MAP3K2: variants seen among roughly 807,000 people sequenced by gnomAD.
The protein encoded by MAP3K2 is MAP/ERK kinase kinase 2.
In MAP3K2, 24 loss-of-function variants were observed where a neutral mutation model predicts 80.3. That is an observed-to-expected ratio of 0.30 (90% confidence interval 0.22 to 0.42). MAP3K2 has a LOEUF of 0.42. MAP3K2 is among the 10% of genes least tolerant of loss of function. MAP3K2 has a pLI of 1.00. For missense variants in MAP3K2, 608 were observed against 750.1 expected (o/e 0.81, Z 2.21); for synonymous variants, 244 against 253.7 (o/e 0.96, Z 0.36).
chr2:127,318,286 G>A lies in MAP3K2; in HGVS notation c.1077C>T (p.Gly359=). Residue 359 remains glycine (G), a synonymous_variant, in exon 13 of 17, where the codon GGC becomes GGT. Coordinates refer to ENST00000682094, the MANE Select transcript of MAP3K2 (RefSeq NM_001371910.2). The part of the protein sequence containing the change: ...SPRAPTNWRL[G]KLLGQGAFGR... ...CAAAGGCTCCTTGGCCAAGCAGTTT[G>A]CCCAATCTCCAGTTGGTCGGAGCTC... The A allele has an allele frequency of 6.2e-7, 1 of 1,603,858 alleles. No individual in the cohort carries two copies. Among genetic ancestry groups the A allele is most frequent in the Admixed American group, 1.7e-5 (1 of 57,782 alleles).
chr2:127,386,400 T>C lies in MAP3K2; in HGVS notation c.-66+1052A>G, dbSNP rs191885516. Among the ~76,000 whole-genome samples the C allele has an allele frequency of 1.1e-4, 16 of 152,354 alleles. No individual in the cohort carries two copies. In the East Asian group the frequency reaches 3.1e-3, roughly 29 times the overall value. ...CTACGATATTCTACGCATTAAAATT[T>C]GACATCGAACTAAAAAAGATTGCAT... On this transcript the variant is annotated intron_variant, in intron 1 of 16. Transcript: ENST00000682094.
At chr2:127,309,426 T>A (rs568147799) in intron 15 of MAP3K2, among the ~76,000 whole-genome samples, 1 of 152,328 alleles carries the variant, frequency 6.6e-6, no homozygotes, top group Admixed American at 6.5e-5. Flanking sequence ...AGAGTTCCCA[T>A]ATACCCCCAC....
intron 1 of MAP3K2, among the ~76,000 whole-genome samples, chr2:127,365,878 C>G (rs558127884): frequency 6.6e-6 from 1 of 152,306 alleles, no homozygotes; most frequent in South Asian, 2.1e-4. Context: ...TTCCTAAATC[C>G]CTTATTCCAT....
chr2:127,387,392 A>ACACG (rs1553519996), intron 1 of MAP3K2, 60 bp downstream of exon 1: 1 of 333,572 alleles, frequency 3.0e-6, no homozygotes, highest in Non-Finnish European at 4.2e-6. Flanking sequence ...CCCGACACAC[A>ACACG]CGCGCGCACA....
At chr2:127,388,173 G>T (rs1194400071), upstream of MAP3K2, 1 of 984,760 alleles carries the variant, frequency 1.0e-6, no homozygotes, top group East Asian at 1.1e-4. Context: ...TCCTGGCTCC[G>T]CCCCGGCCTC....
chr2:127,349,117 T>C (rs1686645884), intron 1 of MAP3K2, among the ~76,000 whole-genome samples: 1 of 152,146 alleles, frequency 6.6e-6, no homozygotes, highest in South Asian at 2.1e-4. Context: ...GTAAAAATTA[T>C]TAACACAGAA....
chr2:127,363,226 T>G (rs967570674), intron 1 of MAP3K2, among the ~76,000 whole-genome samples: 3 of 152,122 alleles, frequency 2.0e-5, no homozygotes, highest in African/African-American at 7.3e-5. Context: ...GACTGTGTAT[T>G]ACACTGCCTC....
In MAP3K2 at chr2:127,322,215, C is replaced by T. The variant is rs781141326; in HGVS notation, c.876G>A (p.Gly292=). The T allele has an allele frequency of 1.9e-6, 3 of 1,613,860 alleles. No individual in the cohort carries two copies. Among genetic ancestry groups the T allele is most frequent in the Non-Finnish European group, 2.5e-6 (3 of 1,179,824 alleles). Residue 292 remains glycine, a synonymous_variant, in exon 12 of 17, where the codon GGG becomes GGA. Coordinates refer to ENST00000682094, the MANE Select transcript of MAP3K2 (RefSeq NM_001371910.2). The surrounding 1 kb of genome is among the most constrained non-coding windows in gnomAD (Gnocchi z 4.2). ...KTFPRARRTQ[G]TSLRSPVSFS... Reference sequence around the variant, plus strand: ...AACTCACAGGAGACCGTAAGCTGGTCCCCTGGGTCCTTCTAGCTCTTGGAA... The same window carrying T: ...AACTCACAGGAGACCGTAAGCTGGTTCCCTGGGTCCTTCTAGCTCTTGGAA...
At chr2:127,331,040 G>C (rs891113722) in intron 5 of MAP3K2, among the ~76,000 whole-genome samples, 1 of 152,072 alleles carries the variant, frequency 6.6e-6, no homozygotes, top group African/African-American at 2.4e-5. Flanking sequence ...AGCCCACCTA[G>C]AGTTCTTCTC....
intron 6 of MAP3K2, 23 bp downstream of exon 6, chr2:127,330,369 G>GA (rs1361750367): frequency 3.2e-6 from 4 of 1,260,980 alleles, no homozygotes; most frequent in Non-Finnish European, 3.4e-6. Flanking sequence ...AATTCTTACT[G>GA]AAAAAAATAT....
At chr2:127,318,459 C>G (rs1442865319) in intron 12 of MAP3K2, 142 bp from the exon 13 acceptor site, 12 of 566,086 alleles carry the variant, frequency 2.1e-5, no homozygotes, top group South Asian at 8.0e-5. Flanking sequence ...TCCAAATTCA[C>G]AGTTACCGTC....
intron 1 of MAP3K2, among the ~76,000 whole-genome samples, chr2:127,382,795 G>A (rs748636305): frequency 6.6e-6 from 1 of 152,198 alleles, no homozygotes; most frequent in African/African-American, 2.4e-5. Flanking sequence ...CCAAGTGCTG[G>A]GATTACAGGC....
At chr2:127,356,590 T>C (rs1686801904) in intron 1 of MAP3K2, among the ~76,000 whole-genome samples, 1 of 152,228 alleles carries the variant, frequency 6.6e-6, no homozygotes, top group African/African-American at 2.4e-5. Context: ...TGGCTTCAGG[T>C]GATCCTCCCA....
rs375687335 is a variant in MAP3K2, at chr2:127,349,604, T to C, written c.-65-6410A>G. On this transcript the variant is annotated intron_variant, in intron 1 of 16. Transcript: ENST00000682094. ...GAAGAAAACATCTAGTCTAAACATC[T>C]TATTTTAAAATCTGAGGGCCAAAAA... Among the ~76,000 whole-genome samples, 6 of 152,250 alleles carry C rather than the reference T, an allele frequency of 3.9e-5. No homozygotes were observed. In the East Asian group the frequency reaches 9.6e-4, roughly 24 times the overall value.
chr2:127,301,783 A>T lies in MAP3K2; in HGVS notation c.*5796T>A, dbSNP rs1341136884. 1 of 152,040 alleles carries T rather than the reference A, an allele frequency of 6.6e-6. No homozygotes were observed. Among genetic ancestry groups the T allele is most frequent in the African/African-American group, 2.4e-5 (1 of 41,402 alleles). The allele number at this position is 152,040 out of a possible 1,614,324, so 9.4% of individuals were successfully genotyped here. ...TATTCTTTTCTTTACTGTAGCTATG[A>T]CTCCTCCCTCATCTTTCTGAAGCTC... On this transcript the variant is annotated 3_prime_UTR_variant, in exon 17 of 17. Coordinates refer to ENST00000682094, the MANE Select transcript of MAP3K2 (RefSeq NM_001371910.2).
At chr2:127,325,992 A>G (rs1686129481) in intron 8 of MAP3K2, among the ~76,000 whole-genome samples, 185 bp from the exon 9 acceptor site, 1 of 152,176 alleles carries the variant, frequency 6.6e-6, no homozygotes. Context: ...GAACAATTCC[A>G]TACTCAATAG....
chr2:127,371,240 G>C (rs192537233), intron 1 of MAP3K2, among the ~76,000 whole-genome samples: 5 of 152,134 alleles, frequency 3.3e-5, no homozygotes, highest in African/African-American at 9.7e-5. Flanking sequence ...GGCAGAATAC[G>C]ATGAGTTGTG....
At chr2:127,311,575 C>T (rs973246984) in intron 15 of MAP3K2, among the ~76,000 whole-genome samples, 1 of 152,176 alleles carries the variant, frequency 6.6e-6, no homozygotes, top group African/African-American at 2.4e-5. Context: ...GCAGCATGCG[C>T]AGCCATCACC....
At chr2:127,385,608 A>G (rs1687330887) in intron 1 of MAP3K2, among the ~76,000 whole-genome samples, 1 of 152,198 alleles carries the variant, frequency 6.6e-6, no homozygotes. Context: ...GATAACAACA[A>G]ATGTTTAATC....
Sources: allele counts gnomAD v4.1 joint callset (sites outside exome capture counted in the v4.1 genomes callset), GRCh38; gene constraint gnomAD v4.1.1; non-coding constraint Gnocchi (gnomAD v3.1); transcripts MANE v1.5; gene names NCBI Gene and HGNC (gene_info 2026-07-23, HGNC 2026-07-21).